FMN2: variants seen among roughly 807,000 people sequenced by gnomAD.
The protein encoded by FMN2 is formin 2, also known as formin-2.
FMN2 carries 51 observed loss-of-function variants against 142.3 expected under a neutral mutation model. The observed-to-expected ratio is 0.36, with a 90% CI of 0.29 to 0.45. The LOEUF (loss-of-function observed/expected upper bound fraction) is 0.45, where lower values mean the gene tolerates loss of function less well. FMN2 is among the 20% of genes least tolerant of loss of function. The pLI, the probability that FMN2 is intolerant of heterozygous loss-of-function variation, is 1.00. For synonymous variants in FMN2, 882 were observed against 869.8 expected (o/e 1.01, Z -0.25); for missense variants, 1,936 against 2,122.8 (o/e 0.91, Z 1.73).
At chr1:240,162,743 A>G (rs1664330659) in intron 2 of FMN2, among the ~76,000 whole-genome samples, 1 of 152,076 alleles carries the variant, frequency 6.6e-6, no homozygotes, top group Admixed American at 6.6e-5. Context: ...TTTGGAGGCT[A>G]TTTATTAACA....
chr1:240,207,340 A>T lies in FMN2; in HGVS notation c.2528A>T (p.His843Leu). 1 of 1,613,410 alleles carries T rather than the reference A, an allele frequency of 6.2e-7. No individual in the cohort carries two copies. Among genetic ancestry groups the T allele is most frequent in the Non-Finnish European group, 8.5e-7 (1 of 1,179,736 alleles). ...ISTEFQTSHE[H>L]SVSSAFKNSC... ...ACCGAGTTTCAAACCAGCCACGAACACTCTGTTTCCTCTGCCTTTAAAAAC... is the reference window on the plus strand; with the variant it reads ...ACCGAGTTTCAAACCAGCCACGAACTCTCTGTTTCCTCTGCCTTTAAAAAC... Residue 843 changes from histidine (H) to leucine (L), a missense_variant, in exon 5 of 18, where the codon CAC (histidine) becomes CTC (leucine). Transcript: ENST00000319653.
chr1:240,263,332 T>C (rs1347262241), intron 7 of FMN2, among the ~76,000 whole-genome samples: 1 of 152,182 alleles, frequency 6.6e-6, no homozygotes, highest in East Asian at 1.9e-4. Flanking sequence ...ACCCTCATAG[T>C]CTGCACGAGA....
At chr1:240,128,640 C>CG (rs1662608492) in intron 2 of FMN2, among the ~76,000 whole-genome samples, 1 of 152,036 alleles carries the variant, frequency 6.6e-6, no homozygotes, top group East Asian at 1.9e-4. Context: ...AAATGGACAT[C>CG]GGTTTGGATG....
At chr1:240,337,456 A>T (rs1056982212) in intron 13 of FMN2, among the ~76,000 whole-genome samples, 2 of 152,076 alleles carry the variant, frequency 1.3e-5, no homozygotes, top group Non-Finnish European at 2.9e-5. Context: ...GACAAAAATG[A>T]TTCCTTCTAA....
intron 2 of FMN2, chr1:240,145,257 C>G: frequency 6.8e-7 from 1 of 1,467,068 alleles, no homozygotes; most frequent in East Asian, 2.3e-5. Flanking sequence ...TGTTCTTTGT[C>G]CTTGTCCCCG....
At chr1:240,417,280 C>T (rs1218493030) in intron 15 of FMN2, among the ~76,000 whole-genome samples, 1 of 151,184 alleles carries the variant, frequency 6.6e-6, no homozygotes, top group Non-Finnish European at 1.5e-5. Flanking sequence ...GACTGGGGTA[C>T]GTCTTACAGT....
chr1:240,115,937 T>G (rs1196323871), intron 1 of FMN2, among the ~76,000 whole-genome samples: 2 of 152,148 alleles, frequency 1.3e-5, no homozygotes, highest in African/African-American at 2.4e-5. Context: ...GACAGGAGAT[T>G]CCCAGAATTG....
intron 13 of FMN2, among the ~76,000 whole-genome samples, chr1:240,353,556 G>A (rs1672166243): frequency 6.6e-6 from 1 of 152,198 alleles, no homozygotes; most frequent in South Asian, 2.1e-4. Context: ...AAGTAGCTCA[G>A]TCTAGTGGGG....
chr1:240,188,374 T>G, intron 4 of FMN2, 112 bp downstream of exon 4: 2 of 1,087,484 alleles, frequency 1.8e-6, no homozygotes, highest in Non-Finnish European at 2.7e-6. Flanking sequence ...GATGCCCTTG[T>G]TTTCCCTAAG....
chr1:240,254,776 G>A (rs1369444993), intron 6 of FMN2, among the ~76,000 whole-genome samples: 1 of 152,148 alleles, frequency 6.6e-6, no homozygotes, highest in Non-Finnish European at 1.5e-5. Context: ...AGGGTCGTTG[G>A]CAAAGGCTTG....
rs1674699048 is a variant in FMN2, at chr1:240,419,657, C to T, written c.4911-18404C>T. Among the ~76,000 whole-genome samples the T allele has an allele frequency of 2.0e-5, 3 of 152,130 alleles. No individual in the cohort carries two copies. The South Asian group carries it at 6.2e-4, about 31-fold the overall frequency. ...GACATCTGAGTATTTCCCTTTTGCACTATACAGTCTACTGAGTGATGGCTG... is the reference window on the plus strand; with the variant it reads ...GACATCTGAGTATTTCCCTTTTGCATTATACAGTCTACTGAGTGATGGCTG... On this transcript the variant is annotated intron_variant, in intron 15 of 17. Coordinates refer to ENST00000319653, the MANE Select transcript of FMN2 (RefSeq NM_020066.5).
intron 3 of FMN2, 130 bp from the exon 4 acceptor site, chr1:240,188,077 G>T: frequency 2.6e-6 from 2 of 770,386 alleles, no homozygotes; most frequent in Non-Finnish European, 2.1e-6. Flanking sequence ...TTATATAATT[G>T]GAAGAGAGAC....
Position 240,329,468 on chromosome 1 carries a change from G to C in FMN2, c.4437G>C (p.Glu1479Asp), listed in dbSNP as rs1489760668. 1 of 1,613,372 alleles carries C rather than the reference G, an allele frequency of 6.2e-7. No individual in the cohort carries two copies. Among genetic ancestry groups the C allele is most frequent in the Non-Finnish European group, 8.5e-7 (1 of 1,179,730 alleles). The part of the protein sequence containing the change: ...RKLELLQKLC[E>D]TLKNGPGVMQ... ...TGGAATTACTACAGAAATTGTGTGA[G>C]GTGAGTTCTGGTCCAAAGAGAGCTG... Residue 1479 changes from glutamate to aspartate, a missense_variant and splice_region_variant, in exon 10 of 18, where the codon GAG (glutamate) becomes GAC (aspartate). Glu to Asp is a conservative substitution (Grantham distance 45). This residue lies in a region of FMN2 where 322 missense variants were observed against 401.6 expected (regional missense o/e 0.80). Transcript: ENST00000319653.
intron 2 of FMN2, among the ~76,000 whole-genome samples, chr1:240,159,972 T>TACACACAC (rs767025880): frequency 5.5e-5 from 7 of 126,476 alleles, no homozygotes; most frequent in African/African-American, 1.6e-4. Context: ...TATATATATA[T>TACACACAC]ATACACACAC....
At chr1:240,460,369 A>G (rs1266792923) in intron 16 of FMN2, among the ~76,000 whole-genome samples, 1 of 152,198 alleles carries the variant, frequency 6.6e-6, no homozygotes, top group Non-Finnish European at 1.5e-5. Context: ...AGGCGGGCAT[A>G]TCACCTGAGG....
intron 6 of FMN2, among the ~76,000 whole-genome samples, chr1:240,226,592 G>C (rs940395342): frequency 5.9e-5 from 9 of 152,070 alleles, no homozygotes; most frequent in African/African-American, 2.2e-4. Flanking sequence ...CAAAAACAAG[G>C]AGCACTGGTA....
intron 7 of FMN2, among the ~76,000 whole-genome samples, chr1:240,279,401 G>C (rs148405182): frequency 2.0e-4 from 30 of 152,260 alleles, no homozygotes; most frequent in African/African-American, 7.2e-4. Flanking sequence ...GGAGGAAGAG[G>C]TTGGGGTTGG....
At chr1:240,247,478 G>C (rs1266852524) in intron 6 of FMN2, among the ~76,000 whole-genome samples, 1 of 150,326 alleles carries the variant, frequency 6.7e-6, no homozygotes, top group South Asian at 2.1e-4. Flanking sequence ...CTCCAGCCTG[G>C]GCAACAAGAG....
chr1:240,315,937 C>T (rs12124447), intron 8 of FMN2, among the ~76,000 whole-genome samples: 31,598 of 152,048 alleles, frequency 0.21, 3,542 homozygotes, highest in Admixed American at 0.33. Context: ...GGGAAGTCCC[C>T]AGTCCAACAC....
Sources: gnomAD v4.1 joint callset for allele counts (sites outside exome capture counted in the v4.1 genomes callset) on GRCh38, gnomAD v4.1.1 for gene constraint, gnomAD v4.1.1 regional missense constraint, MANE v1.5 for transcripts, NCBI Gene and HGNC (gene_info 2026-07-23, HGNC 2026-07-21) for gene names.